The following FGD6 variants were observed in gnomAD, a reference collection of about 807,000 sequenced individuals.
FGD6 encodes the protein FYVE, RhoGEF and PH domain-containing protein 6.
FGD6 carries 90 observed loss-of-function variants against 149.4 expected under a neutral mutation model. The ratio of observed to expected loss-of-function variants is 0.60; its 90% CI spans 0.51 to 0.72. The LOEUF (loss-of-function observed/expected upper bound fraction) is 0.72, where lower values mean the gene tolerates loss of function less well. Among genes scored for constraint, FGD6 ranks in the 30% least tolerant of loss-of-function variants. The pLI is 0.00. For missense variants in FGD6, 1,437 were observed against 1,684.8 expected, an observed-to-expected ratio of 0.85 and a Z score of 2.57; for synonymous variants, 527 against 584.0, an observed-to-expected ratio of 0.90 and a Z score of 1.41.
intron 18 of FGD6, among the ~76,000 whole-genome samples, chr12:95,088,648 T>C (rs577925168): frequency 4.4e-4 from 67 of 152,302 alleles, no homozygotes; most frequent in Non-Finnish European, 7.1e-4. Flanking sequence ...TCTGTCAGCA[T>C]AATTCGTAAT....
chr12:95,172,301 G>A (rs534712610), intron 3 of FGD6, among the ~76,000 whole-genome samples: 8 of 152,232 alleles, frequency 5.3e-5, no homozygotes, highest in East Asian at 3.9e-4. Context: ...GCTTGAACCC[G>A]GGAGGTAAAG....
At chr12:95,128,449 T>A (rs1275485995) in intron 8 of FGD6, among the ~76,000 whole-genome samples, 2 of 152,114 alleles carry the variant, frequency 1.3e-5, no homozygotes, top group Admixed American at 6.6e-5. Flanking sequence ...CTATGTTGAC[T>A]AGGCAGGTTT....
intron 2 of FGD6, among the ~76,000 whole-genome samples, chr12:95,191,936 C>T (rs1041308577): frequency 1.3e-5 from 2 of 152,016 alleles, no homozygotes; most frequent in Admixed American, 6.6e-5. Flanking sequence ...TGGGGTTTCA[C>T]CATATTGGCC....
intron 19 of FGD6, among the ~76,000 whole-genome samples, chr12:95,085,239 CAG>C (rs1877822550): frequency 8.6e-6 from 1 of 116,204 alleles, no homozygotes; most frequent in African/African-American, 3.3e-5. Flanking sequence ...TTTTTTGAGA[CAG>C]AGTCTCTCTG....
intron 2 of FGD6, among the ~76,000 whole-genome samples, chr12:95,192,581 C>G (rs967196532): frequency 6.6e-6 from 1 of 152,228 alleles, no homozygotes; most frequent in African/African-American, 2.4e-5. Context: ...TTTAGGATCC[C>G]CCATCCATGC....
intron 8 of FGD6, chr12:95,117,116 G>T: frequency 4.2e-6 from 1 of 238,076 alleles, no homozygotes; most frequent in East Asian, 1.0e-4. Context: ...AGTCATTTCA[G>T]TTTGCCATGT....
intron 3 of FGD6, among the ~76,000 whole-genome samples, chr12:95,165,036 T>C (rs1394873089): frequency 1.3e-5 from 2 of 152,026 alleles, no homozygotes; most frequent in South Asian, 2.1e-4. Context: ...GTAGAATAAA[T>C]ACATCTTACT....
chr12:95,099,984 T>C (rs1365697268), intron 14 of FGD6, among the ~76,000 whole-genome samples: 1 of 151,994 alleles, frequency 6.6e-6, no homozygotes, highest in African/African-American at 2.4e-5. Context: ...GGTATGTCTT[T>C]TGTTCCTGCT....
At chr12:95,185,600 C>T (rs573748051) in intron 2 of FGD6, among the ~76,000 whole-genome samples, 2 of 152,300 alleles carry the variant, frequency 1.3e-5, no homozygotes, top group Admixed American at 1.3e-4. Context: ...CAGTGGCTTA[C>T]GCCTGTAATC....
rs989340934 is a variant in FGD6, at chr12:95,113,583, T to C, written c.3133+68A>G. 8.3e-6 allele frequency: 10 copies of C among 1,211,260 alleles called. No homozygotes were observed. The Admixed American group carries it at 1.5e-4, about 18-fold the overall frequency. The allele number at this position is 1,211,260 out of a possible 1,614,324, so 75.0% of individuals were successfully genotyped here. Reference sequence around the variant, plus strand: ...TGTAATGGATTTTGTTATCAATATATTTTTACTTTCTAGCCCTACCTAAAT... The same window carrying C: ...TGTAATGGATTTTGTTATCAATATACTTTTACTTTCTAGCCCTACCTAAAT... On this transcript the variant is annotated intron_variant, in intron 9 of 20. Transcript: ENST00000343958.
chr12:95,172,519 G>C, intron 3 of FGD6, 81 bp downstream of exon 3: 1 of 1,231,460 alleles, frequency 8.1e-7, no homozygotes, highest in Non-Finnish European at 1.1e-6. Context: ...AACTCACAAG[G>C]GTTTCTGTGC....
intron 2 of FGD6, among the ~76,000 whole-genome samples, chr12:95,191,651 C>A (rs901123212): frequency 9.9e-5 from 15 of 152,150 alleles, no homozygotes; most frequent in Admixed American, 4.6e-4. Context: ...CAGGACCCCC[C>A]ACAGAGACCA....
rs1388931524 is a variant in FGD6, at chr12:95,105,102, A to G, written c.3418-16T>C. The G allele has an allele frequency of 1.3e-6, 2 of 1,595,886 alleles. No individual in the cohort carries two copies. Among genetic ancestry groups the G allele is most frequent in the African/African-American group, 1.4e-5 (1 of 73,648 alleles). ...GTTTTCTGACCTGGAAGAAAGCACA[A>G]CAATTTGAGCCGACTCATCCTACTG... On this transcript the variant is annotated splice_polypyrimidine_tract_variant and intron_variant, in intron 13 of 20. Transcript: ENST00000343958.
Position 95,106,950 on chromosome 12 carries a change from A to C in FGD6, c.3417+4T>G. ...AAAACAAAACATCTAACAGATGCACACACCTTCATTCCAGCCAGTGAGAGC... is the reference window on the plus strand; with the variant it reads ...AAAACAAAACATCTAACAGATGCACCCACCTTCATTCCAGCCAGTGAGAGC... On this transcript the variant is annotated splice_donor_region_variant and intron_variant, in intron 13 of 20. Coordinates refer to ENST00000343958, the MANE Select transcript of FGD6 (RefSeq NM_018351.4). 6.2e-7 allele frequency: 1 copy of C among 1,600,902 alleles called. No individual in the cohort carries two copies. Among genetic ancestry groups the C allele is most frequent in the Non-Finnish European group, 8.5e-7 (1 of 1,169,920 alleles).
intron 2 of FGD6, among the ~76,000 whole-genome samples, chr12:95,173,705 T>A (rs970562124): frequency 2.0e-5 from 3 of 152,038 alleles, no homozygotes; most frequent in African/African-American, 7.2e-5. Context: ...TCTACAAGAA[T>A]ATCTGCAGAA....
At position 95,152,835 on chromosome 12, in the gene FGD6, C is replaced by A. The variant is rs762464778; in HGVS notation, c.2661G>T (p.Val887=). The A allele has an allele frequency of 1.9e-6, 3 of 1,613,352 alleles. No individual in the cohort carries two copies. The East Asian group carries it at 6.7e-5, about 36-fold the overall frequency. ...CAATATGCAAAAGTTTTAACACATC[C>A]ACAAACCTGTAAAAAACAACAATGA... ...KEIMSSEKVF[V]DVLKLLHIDF... Residue 887 remains valine, a synonymous_variant, in exon 5 of 21, where the codon GTG becomes GTT. Transcript: ENST00000343958.
intron 3 of FGD6, among the ~76,000 whole-genome samples, chr12:95,164,453 A>G (rs1360640170): frequency 1.3e-5 from 2 of 150,372 alleles, no homozygotes; most frequent in Non-Finnish European, 3.0e-5. Flanking sequence ...TTTTTGAGAC[A>G]GAGTCTTGCT....
chr12:95,196,034 C>T (rs1382201582), intron 2 of FGD6, among the ~76,000 whole-genome samples: 1 of 152,008 alleles, frequency 6.6e-6, no homozygotes, highest in Non-Finnish European at 1.5e-5. Flanking sequence ...GCAGGATAAT[C>T]GCTTGAAACC....
Position 95,217,350 on chromosome 12 carries a change from A to C in FGD6, c.-110T>G. 2.2e-6 allele frequency: 3 copies of C among 1,383,320 alleles called. No individual in the cohort carries two copies. The highest frequency in any genetic ancestry group is 9.6e-7 in the Non-Finnish European group (1 of 1,046,640). 85.7% of individuals were successfully genotyped at this position (1,383,320 alleles called of 1,614,324 possible). A position where few individuals can be genotyped will look rare whatever the true frequency, so the allele number is the denominator to read the frequency against. ...AGAGAAAAGCCCCCGCAGCGCCCAC[A>C]TTCCGTCCCGCCGCCCCGCGGCGCA... is the stretch of plus-strand genomic sequence containing the variant. On this transcript the variant is annotated 5_prime_UTR_variant, in exon 1 of 21. An upstream start codon of the reference 5' UTR is lost. Transcript: ENST00000343958.
Sources: gnomAD v4.1 joint callset for allele counts (sites outside exome capture counted in the v4.1 genomes callset) on GRCh38, gnomAD v4.1.1 for gene constraint, MANE v1.5 for transcripts, NCBI Gene and HGNC (gene_info 2026-07-23, HGNC 2026-07-21) for gene names.